The following ARHGAP4 variants were observed in gnomAD, a reference collection of about 807,000 sequenced individuals.
ARHGAP4 encodes rho GTPase-activating protein 4.
In ARHGAP4, 25 loss-of-function variants were observed where a neutral mutation model predicts 67.6. That is an observed-to-expected ratio of 0.37 (90% CI 0.27 to 0.52). ARHGAP4 has a LOEUF of 0.52. Among genes scored for constraint, ARHGAP4 ranks in the 20% least tolerant of loss-of-function variants. The pLI, the probability that ARHGAP4 is intolerant of heterozygous loss-of-function variation, is 0.92. For synonymous variants in ARHGAP4, 448 were observed against 373.7 expected (o/e 1.20, Z -2.29); for missense variants, 804 against 854.6 (o/e 0.94, Z 0.74).
At chrX:153,920,266 ACT>A (rs1324653040) in intron 5 of ARHGAP4, 2 of 192,247 alleles carry the variant, frequency 1.0e-5, no homozygotes, top group East Asian at 1.0e-4. Context: ...CAGCCTCCCC[ACT>A]CTCTGTACTG....
chrX:153,921,688 G>A lies in ARHGAP4; in HGVS notation c.189C>T (p.Tyr63=), dbSNP rs782265922. Residue 63 remains tyrosine, a synonymous_variant, in exon 2 of 22, where the codon TAC becomes TAT. Coordinates refer to ENST00000350060, the MANE Select transcript of ARHGAP4 (RefSeq NM_001666.5). ...MRRRAEVELE[Y]SRGLEKLAER... is the part of the protein sequence containing the mutation. ...CGGCCAGCTTTTCCAGGCCCCGGGA[G>A]TATTCCAGCTCCACCTCAGCGCGGC... The A allele has an allele frequency of 2.5e-6, 3 of 1,208,983 alleles. No homozygotes were observed. The Admixed American group carries it at 6.5e-5, about 26-fold the overall frequency.
At chrX:153,910,124 C>T (rs1557102591) in intron 17 of ARHGAP4, 39 bp from the exon 18 acceptor site, 1 of 1,210,424 alleles carries the variant, frequency 8.3e-7, no homozygotes, top group African/African-American at 1.7e-5. Context: ...GAGGGGGGCT[C>T]TTCTCCAGTG....
At chrX:153,922,486 C>G in intron 1 of ARHGAP4, 1 of 719,532 alleles carries the variant, frequency 1.4e-6, no homozygotes, top group Non-Finnish European at 1.6e-6. Flanking sequence ...TGCATTCCCC[C>G]ACCCTGCAGA....
rs2857836 is a variant in ARHGAP4 at position 153,907,781 on chromosome X, G to A, written c.2789C>T (p.Ser930Leu). 9.9e-7 allele frequency: 1 copy of A among 1,010,908 alleles called. No homozygotes were observed. The highest frequency in any genetic ancestry group is 2.0e-5 in the African/African-American group (1 of 50,816). 83.3% of individuals were successfully genotyped at this position (1,010,908 alleles called of 1,213,427 possible). The change falls in exon 22 of 22, where the codon TCA becomes TTA. Residue 930 changes from serine (S) to leucine (L), a missense_variant. Physicochemically the swap from Ser to Leu is moderately radical, Grantham distance 145. Around this residue, in one of 2 missense-constraint regions of ARHGAP4, gnomAD observed 400 missense variants for 348.7 expected, o/e 1.15. Transcript: ENST00000350060. ...GCCCTGGGGGTGGGAAGCTGAGGGT[G>A]AGGCTGGGGCCCCAGGGCCCCGGGA... Reference protein sequence around the residue: ...GFSRGPGAPASPSASHPQGLD... With the variant: ...GFSRGPGAPALPSASHPQGLD...
chrX:153,922,348 A>T, intron 1 of ARHGAP4: 1 of 758,688 alleles, frequency 1.3e-6, no homozygotes, highest in Non-Finnish European at 1.6e-6. Context: ...AGGGGAAAGG[A>T]CAGTCCACAG....
chrX:153,911,999 C>T (rs1246055323), intron 12 of ARHGAP4, among the ~76,000 whole-genome samples: 1 of 111,905 alleles, frequency 8.9e-6, no homozygotes, highest in African/African-American at 3.2e-5. Context: ...CACGCATAAC[C>T]ACATCACTGA....
chrX:153,920,633 A>T lies in ARHGAP4; in HGVS notation c.674T>A (p.Val225Glu). 8.3e-7 allele frequency: 1 copy of T among 1,201,919 alleles called. No homozygotes were observed. Among genetic ancestry groups the T allele is most frequent in the Non-Finnish European group, 1.1e-6 (1 of 890,627 alleles). Residue 225 changes from valine to glutamate, a missense_variant, in exon 5 of 22, where the codon GTG becomes GAG. By Grantham distance (121) the Val-to-Glu change is moderately radical. Around this residue, in one of 2 missense-constraint regions of ARHGAP4, gnomAD observed 404 missense variants for 505.9 expected, o/e 0.80. Transcript: ENST00000350060. ...KSSLKKGGRL[V>E]EKRQAKFMEH... ...GGTGCCCTCCAGGCCCACCTTCTCCACCAGCCTCCCTCCCTTCTTGAGGGA... is the reference window on the plus strand; with the variant it reads ...GGTGCCCTCCAGGCCCACCTTCTCCTCCAGCCTCCCTCCCTTCTTGAGGGA...
rs1344838394 is a variant in ARHGAP4 at position 153,907,443 on chromosome X, C to T, written c.*286G>A. On this transcript the variant is annotated 3_prime_UTR_variant, in exon 22 of 22. Transcript: ENST00000350060. ...CTGCCAGGCATCTGAGCAAGGGTAC[C>T]CGCCACCCAGCAGCCACTGATCAGC... The T allele has an allele frequency of 3.0e-6, 1 of 337,584 alleles. No homozygotes were observed. Among genetic ancestry groups the T allele is most frequent in the Non-Finnish European group, 5.2e-6 (1 of 191,908 alleles). The allele number at this position is 337,584 out of a possible 1,213,427, so 27.8% of individuals were successfully genotyped here. A position where few individuals can be genotyped will look rare whatever the true frequency, so the allele number is the denominator to read the frequency against.
At chrX:153,909,208 A>T (rs781928234) in intron 20 of ARHGAP4, 39 bp from the exon 21 acceptor site, 2 of 1,136,829 alleles carry the variant, frequency 1.8e-6, no homozygotes, top group Admixed American at 4.7e-5. Flanking sequence ...GGCCCTGGGA[A>T]GTCCCTGAGC....
In ARHGAP4 at chrX:153,910,511, G is replaced by C. The variant is rs2065011582; in HGVS notation, c.1917C>G (p.Leu639=). The change falls in exon 16 of 22, where the codon CTC becomes CTG. Residue 639 remains leucine, a synonymous_variant. Transcript: ENST00000350060. ...LVVLRYLFTF[L]NHLAQYSDEN... is the part of the protein sequence containing the mutation. ...ACTCGCCCCGCAGCACTCACTGGTT[G>C]AGGAAGGTGAAGAGGTAGCGCAGAA... 1 of 1,195,726 alleles carries C rather than the reference G, an allele frequency of 8.4e-7. No homozygotes were observed. The highest frequency in any genetic ancestry group is 1.8e-5 in the African/African-American group (1 of 55,511).
In ARHGAP4 at chrX:153,912,767, C is replaced by T. The variant is rs782099184; in HGVS notation, c.1475G>A (p.Arg492His). ...QYTQRKFQKS[R>H]QPRPSSQYNQ... is the part of the protein sequence containing the mutation. ...ATACTGGGAGCTGGGGCGGGGCTGG[C>T]GGCTCTTCTGGAATTTTCTCTGTGT... The change falls in exon 12 of 22, where the codon CGC becomes CAC. Residue 492 changes from arginine to histidine, a missense_variant. Coordinates refer to ENST00000350060, the MANE Select transcript of ARHGAP4 (RefSeq NM_001666.5). 9 of 1,209,959 alleles carry T rather than the reference C, an allele frequency of 7.4e-6. No individual in the cohort carries two copies. The highest frequency in any genetic ancestry group is 8.9e-6 in the Non-Finnish European group (8 of 894,851).
In ARHGAP4 at chrX:153,912,650, A is replaced by G. The variant is rs782767840; in HGVS notation, c.1542+50T>C. ...GGCCACTGAGGTGACCCAGAGCTGA[A>G]GAAAGATCAGCATGTACAGGTGGGC... On this transcript the variant is annotated intron_variant, in intron 12 of 21. Transcript: ENST00000350060. 3 of 1,069,136 alleles carry G rather than the reference A, an allele frequency of 2.8e-6. No homozygotes were observed. In the African/African-American group the frequency reaches 5.5e-5, roughly 20 times the overall value. The allele number at this position is 1,069,136 out of a possible 1,213,427, so 88.1% of individuals were successfully genotyped here.
At chrX:153,911,252 CTTTTTTTTTTTTT>C (rs10710691) in intron 12 of ARHGAP4, 63 bp from the exon 13 acceptor site, 4 of 422,739 alleles carry the variant, frequency 9.5e-6, no homozygotes, top group Admixed American at 6.4e-5. Context: ...CATTCAATTG[CTTTTTTTTTTTTT>C]TTTTTTTTTT....
intron 1 of ARHGAP4, 152 bp from the exon 2 acceptor site, chrX:153,921,961 A>G (rs2065098422): frequency 1.2e-6 from 1 of 846,294 alleles, no homozygotes; most frequent in Non-Finnish European, 1.6e-6. Flanking sequence ...GGCAAGAGCT[A>G]AGAGGGGAGG....
At chrX:153,917,093 G>A (rs1236610802) in intron 7 of ARHGAP4, among the ~76,000 whole-genome samples, 1 of 111,571 alleles carries the variant, frequency 9.0e-6, no homozygotes, top group Non-Finnish European at 1.9e-5. Flanking sequence ...GCGGGCACCT[G>A]TAGTCCCAGC....
chrX:153,919,698 C>T (rs920273923), intron 5 of ARHGAP4: 6 of 1,147,148 alleles, frequency 5.2e-6, no homozygotes, highest in East Asian at 3.3e-5. Flanking sequence ...TGAGGGGGAA[C>T]GAGTACCCCA....
Position 153,910,025 on chromosome X carries a change from G to C in ARHGAP4, c.2217C>G (p.Pro739=), listed in dbSNP as rs549301187. Residue 739 remains proline, a synonymous_variant, in exon 18 of 22, where the codon CCC becomes CCG. Transcript: ENST00000350060. ...CATCGCCCTCACCATCCTCCTGTGCGGGCATCTCGGCTTCCAGCTCCGGCT... is the reference window on the plus strand; with the variant it reads ...CATCGCCCTCACCATCCTCCTGTGCCGGCATCTCGGCTTCCAGCTCCGGCT... ...DNEPELEAEM[P]AQEDDLEGVV... The C allele has an allele frequency of 3.3e-6, 4 of 1,209,887 alleles. No homozygotes were observed. In the Admixed American group the frequency reaches 6.5e-5, roughly 20 times the overall value.
At chrX:153,908,563 C>T (rs782433161) in intron 21 of ARHGAP4, among the ~76,000 whole-genome samples, 42 of 112,187 alleles carry the variant, frequency 3.7e-4, no homozygotes, top group Admixed American at 3.2e-3. Context: ...CTTGAGCCTT[C>T]GCTCTGCTCC....
In ARHGAP4 at chrX:153,921,726, C is replaced by A; in HGVS notation, c.151G>T (p.Glu51Ter). 1 of 1,201,072 alleles carries A rather than the reference C, an allele frequency of 8.3e-7. No homozygotes were observed. The highest frequency in any genetic ancestry group is 1.1e-6 in the Non-Finnish European group (1 of 890,376). Residue 51 changes from glutamate to a stop codon, truncating the protein, a stop_gained, in exon 2 of 22, where the codon GAG becomes TAG. Transcript: ENST00000350060. LOFTEE classifies it high-confidence loss of function. The part of the protein sequence containing the change: ...LRRELLQELA[E>*]FMRRRAEVEL... ...ACCTCAGCGCGGCGCCGCATGAACTCTGCCAGCTCCTGCAGCAACTCCCGC... is the reference window on the plus strand; with the variant it reads ...ACCTCAGCGCGGCGCCGCATGAACTATGCCAGCTCCTGCAGCAACTCCCGC...
Sources: gnomAD v4.1 joint callset for allele counts (sites outside exome capture counted in the v4.1 genomes callset) on GRCh38, gnomAD v4.1.1 for gene constraint, gnomAD v4.1.1 regional missense constraint, MANE v1.5 for transcripts, NCBI Gene and HGNC (gene_info 2026-07-23, HGNC 2026-07-21) for gene names.